ST3GAL6: variants seen among roughly 807,000 people sequenced by gnomAD.
ST3GAL6 encodes ST3 beta-galactoside alpha-2,3-sialyltransferase 6.
A neutral mutation model predicts 40.5 loss-of-function variants in ST3GAL6; 31 were observed. The observed-to-expected ratio is 0.77, with a 90% CI of 0.58 to 1.03. ST3GAL6 has a LOEUF of 1.03. Among genes scored for constraint, ST3GAL6 ranks in the 50% least tolerant of loss-of-function variants. The pLI is 0.00. For missense variants in ST3GAL6, 357 were observed against 393.2 expected, an observed-to-expected ratio of 0.91 and a Z score of 0.78; for synonymous variants, 129 against 136.9, an observed-to-expected ratio of 0.94 and a Z score of 0.40.
At chr3:98,781,332 G>T (rs570216955) in intron 5 of ST3GAL6, among the ~76,000 whole-genome samples, 1 of 152,132 alleles carries the variant, frequency 6.6e-6, no homozygotes, top group African/African-American at 2.4e-5. Flanking sequence ...CTGTCGCAGG[G>T]TTGGGGGCTA....
chr3:98,750,572 T>C (rs936447328), intron 1 of ST3GAL6, among the ~76,000 whole-genome samples: 12 of 152,094 alleles, frequency 7.9e-5, no homozygotes, highest in African/African-American at 2.9e-4. Flanking sequence ...TCTTTTTTTT[T>C]TTTTTGCATG....
At chr3:98,759,395 A>T (rs1937582288), upstream of ST3GAL6, among the ~76,000 whole-genome samples, 1 of 152,214 alleles carries the variant, frequency 6.6e-6, no homozygotes, top group Admixed American at 6.5e-5. Context: ...TGAAAACCGT[A>T]GAGATCAGAG....
At chr3:98,778,659 A>T (rs1026488519) in intron 5 of ST3GAL6, among the ~76,000 whole-genome samples, 1 of 152,222 alleles carries the variant, frequency 6.6e-6, no homozygotes, top group Admixed American at 6.5e-5. Flanking sequence ...AGAGAGTAAC[A>T]TACAAGACCT....
intron 5 of ST3GAL6, chr3:98,782,808 A>C (rs770754685): frequency 1.0e-4 from 52 of 511,682 alleles, no homozygotes; most frequent in Non-Finnish European, 1.7e-4. Context: ...CAGGAGAAAC[A>C]GGAGTTGAAT....
At chr3:98,750,789 C>A (rs1396252532) in intron 1 of ST3GAL6, among the ~76,000 whole-genome samples, 1 of 152,074 alleles carries the variant, frequency 6.6e-6, no homozygotes, top group Non-Finnish European at 1.5e-5. Context: ...ATTAGGCAGT[C>A]CAAATATTAG....
At chr3:98,781,952 A>G (rs1940170182) in intron 5 of ST3GAL6, among the ~76,000 whole-genome samples, 1 of 152,074 alleles carries the variant, frequency 6.6e-6, no homozygotes, top group Admixed American at 6.5e-5. Context: ...ACTGACCCTG[A>G]GGTTATGGAA....
chr3:98,791,775 C>T (rs1941224750), intron 8 of ST3GAL6, 66 bp from the exon 9 acceptor site: 3 of 1,444,246 alleles, frequency 2.1e-6, no homozygotes, highest in Admixed American at 4.1e-5. Flanking sequence ...ATTCAGCCAA[C>T]CAAATATGCT....
intron 1 of ST3GAL6, among the ~76,000 whole-genome samples, chr3:98,736,733 C>T (rs1021921719): frequency 6.6e-6 from 1 of 152,126 alleles, no homozygotes; most frequent in African/African-American, 2.4e-5. Context: ...CCGTGTTGGA[C>T]ACAGCAAAGC....
chr3:98,772,389 G>A (rs9872152), intron 3 of ST3GAL6: 63,163 of 152,730 alleles, frequency 0.41, 13,265 homozygotes, highest in Non-Finnish European at 0.45. Context: ...TTATGGGATA[G>A]TGACCCCAGA....
upstream of ST3GAL6, among the ~76,000 whole-genome samples, chr3:98,759,760 A>G (rs1937600144): frequency 6.6e-6 from 1 of 152,186 alleles, no homozygotes; most frequent in Non-Finnish European, 1.5e-5. Context: ...ATAATTGGAA[A>G]TGTTGTAAAT....
Position 98,784,967 on chromosome 3 carries a change from G to GT in ST3GAL6, c.359dup (p.Val121GlyfsTer3), listed in dbSNP as rs1253358219. 3.1e-6 allele frequency: 5 copies of GT among 1,612,894 alleles called. No homozygotes were observed. In the South Asian group the frequency reaches 5.5e-5, roughly 18 times the overall value. ...CAGCATACCCTGTAAAAAGTGTGTG[G>GT]TGGTTGGTAATGGAGGAGTTTTGAA... On this transcript the variant is annotated frameshift_variant, in exon 6 of 10. Transcript: ENST00000483910. LOFTEE classifies it high-confidence loss of function.
intron 3 of ST3GAL6, among the ~76,000 whole-genome samples, chr3:98,771,610 A>T (rs1002055739): frequency 1.3e-5 from 2 of 152,254 alleles, no homozygotes; most frequent in Admixed American, 1.3e-4. Context: ...TCTATGAAGC[A>T]TTAAAAATTC....
Position 98,794,917 on chromosome 3 carries a change from A to AAGTT in ST3GAL6, c.*1157_*1160dup, listed in dbSNP as rs1941489027. ...TGTCTTCTAAAAAATATAAAAAGTG[A>AAGTT]AGTTGGGATTTTTGGATTTAAATGG... On this transcript the variant is annotated 3_prime_UTR_variant, in exon 10 of 10. Transcript: ENST00000483910. The AAGTT allele has an allele frequency of 6.6e-6, 1 of 152,022 alleles. No individual in the cohort carries two copies. The highest frequency in any genetic ancestry group is 2.4e-5 in the African/African-American group (1 of 41,390). 9.4% of individuals were successfully genotyped at this position (152,022 alleles called of 1,614,324 possible). A position where few individuals can be genotyped will look rare whatever the true frequency, so the allele number is the denominator to read the frequency against.
intron 6 of ST3GAL6, among the ~76,000 whole-genome samples, chr3:98,786,538 G>A (rs959186552): frequency 1.9e-4 from 29 of 152,150 alleles, no homozygotes; most frequent in Admixed American, 9.2e-4. Context: ...CAAGAAGCCC[G>A]GCTGGACTAG....
intron 3 of ST3GAL6, chr3:98,771,203 A>T: frequency 7.1e-7 from 1 of 1,401,952 alleles, no homozygotes. Flanking sequence ...GAGGCTAGAG[A>T]GGTCTATTTG....
intron 1 of ST3GAL6, among the ~76,000 whole-genome samples, chr3:98,767,158 A>G (rs1938444711): frequency 1.3e-5 from 2 of 152,166 alleles, no homozygotes; most frequent in South Asian, 4.1e-4. Flanking sequence ...GCAAGGGAGG[A>G]GTGAAAAGCA....
chr3:98,761,085 G>C (rs1225075638), upstream of ST3GAL6, among the ~76,000 whole-genome samples: 2 of 152,158 alleles, frequency 1.3e-5, no homozygotes, highest in African/African-American at 4.8e-5. Context: ...CTACAAAGAG[G>C]AACAAAGGAA....
intron 1 of ST3GAL6, among the ~76,000 whole-genome samples, chr3:98,765,795 T>A (rs1384317236): frequency 1.3e-5 from 2 of 152,218 alleles, no homozygotes; most frequent in East Asian, 3.8e-4. Context: ...ATCAAAGCTA[T>A]ATTAAAGGGC....
Position 98,738,270 on chromosome 3 carries a change from ATTTC to A in ST3GAL6, c.-12+5750_-12+5753del, listed in dbSNP as rs999997544. ...CTTTTTATATTACCTAGTCTCAGGT[ATTTC>A]TTTCTTTCTTTTTTTTTTGGATAGG... On this transcript the variant is annotated intron_variant, in intron 1 of 9. Transcript: ENST00000265261. Among the ~76,000 whole-genome samples, 9 of 151,560 alleles carry A rather than the reference ATTTC, an allele frequency of 5.9e-5. No homozygotes were observed. The South Asian group carries it at 1.0e-3, about 18-fold the overall frequency.
Sources: allele counts gnomAD v4.1 joint callset (sites outside exome capture counted in the v4.1 genomes callset), GRCh38; gene constraint gnomAD v4.1.1; transcripts MANE v1.5; gene names NCBI Gene and HGNC (gene_info 2026-07-23, HGNC 2026-07-21).